The following STK26 variants were observed in gnomAD, a reference collection of about 807,000 sequenced individuals.
STK26 encodes serine/threonine kinase 26, also known as serine/threonine-protein kinase 26.
STK26 carries 14 observed loss-of-function variants against 34.7 expected under a neutral mutation model. The ratio of observed to expected loss-of-function variants is 0.40; its 90% CI spans 0.27 to 0.63. The LOEUF (loss-of-function observed/expected upper bound fraction) is 0.63, where lower values mean the gene tolerates loss of function less well. STK26 is among the 30% of genes least tolerant of loss of function. STK26 has a pLI of 0.38. For missense variants in STK26, 226 were observed against 309.1 expected (o/e 0.73, Z 2.02); for synonymous variants, 100 against 109.8 (o/e 0.91, Z 0.56).
chrX:132,069,653 A>G lies in STK26; in HGVS notation c.773A>G (p.Asp258Gly). 2 of 1,120,504 alleles carry G rather than the reference A, an allele frequency of 1.8e-6. No individual in the cohort carries two copies. The highest frequency in any genetic ancestry group is 2.4e-6 in the Non-Finnish European group (2 of 848,923). 92.3% of individuals were successfully genotyped at this position (1,120,504 alleles called of 1,213,427 possible). ...KEFIDACLNK[D>G]PSFRPTAKEL... Reference sequence around the variant, plus strand: ...TTTATTGATGCTTGCCTGAACAAAGATCCATCATTTGTGAGTATATATTGC... The same window carrying G: ...TTTATTGATGCTTGCCTGAACAAAGGTCCATCATTTGTGAGTATATATTGC... Residue 258 changes from aspartate (D) to glycine (G), a missense_variant, in exon 7 of 12, where the codon GAT (aspartate) becomes GGT (glycine). Transcript: ENST00000394334.
intron 2 of STK26, among the ~76,000 whole-genome samples, chrX:132,048,523 G>C (rs944824188): frequency 8.9e-6 from 1 of 111,966 alleles, no homozygotes; most frequent in Non-Finnish European, 1.9e-5. Flanking sequence ...TTTGCCACTA[G>C]TTAACTACCT....
Position 132,072,797 on chromosome X carries a change from T to C in STK26, c.1027-16T>C. 1 of 1,197,035 alleles carries C rather than the reference T, an allele frequency of 8.4e-7. No individual in the cohort carries two copies. Among genetic ancestry groups the C allele is most frequent in the Non-Finnish European group, 1.1e-6 (1 of 882,563 alleles). On this transcript the variant is annotated splice_polypyrimidine_tract_variant and intron_variant, in intron 9 of 11. Coordinates refer to ENST00000394334, the MANE Select transcript of STK26 (RefSeq NM_016542.4). ...ATTTTAATTTCATGTGTATAATCTA[T>C]ATTATTTGTTCAAAGGAGCAAGATC...
At chrX:132,038,753 G>T (rs147925233) in intron 2 of STK26, among the ~76,000 whole-genome samples, 206 of 104,360 alleles carry the variant, frequency 2.0e-3, no homozygotes, top group African/African-American at 7.0e-3. Context: ...GTAGGTTCTG[G>T]CATTAAAGGT....
chrX:132,070,959 CATACCTTT>C, intron 7 of STK26, 102 bp from the exon 8 acceptor site: 1 of 824,671 alleles, frequency 1.2e-6, no homozygotes, highest in Middle Eastern at 4.7e-4. Flanking sequence ...TGTCTACAGA[CATACCTTT>C]ATACCTTTCA....
intron 3 of STK26, among the ~76,000 whole-genome samples, chrX:132,057,425 G>T (rs1183327698): frequency 1.8e-5 from 2 of 111,319 alleles, no homozygotes; most frequent in Non-Finnish European, 3.8e-5. Flanking sequence ...CAGGTATGCT[G>T]ATCTCCTCAG....
chrX:132,033,902 G>A (rs1396444416), intron 2 of STK26, among the ~76,000 whole-genome samples: 1 of 110,102 alleles, frequency 9.1e-6, no homozygotes, highest in Non-Finnish European at 1.9e-5. Flanking sequence ...ATCTGATGTA[G>A]AAGCATCCAT....
chrX:132,065,644 T>A (rs1208527317), intron 4 of STK26, among the ~76,000 whole-genome samples: 1 of 112,353 alleles, frequency 8.9e-6, no homozygotes, highest in Non-Finnish European at 1.9e-5. Context: ...ACAGTTTCAA[T>A]GAATGAAAAA....
Position 132,073,107 on chromosome X carries a change from G to T in STK26, c.1226+14G>T, listed in dbSNP as rs773176307. The T allele has an allele frequency of 8.5e-7, 1 of 1,173,492 alleles. No homozygotes were observed. Among genetic ancestry groups the T allele is most frequent in the Non-Finnish European group, 1.1e-6 (1 of 874,951 alleles). ...AAAATTTCAAAAGTAAGTTGGAAATGTCATTTTAAAAATTATTTTGCATTT... is the reference window on the plus strand; with the variant it reads ...AAAATTTCAAAAGTAAGTTGGAAATTTCATTTTAAAAATTATTTTGCATTT... On this transcript the variant is annotated intron_variant, in intron 11 of 11. Transcript: ENST00000394334.
At chrX:132,042,532 T>C (rs1926304674) in intron 2 of STK26, among the ~76,000 whole-genome samples, 1 of 111,363 alleles carries the variant, frequency 9.0e-6, no homozygotes, top group South Asian at 3.7e-4. Context: ...ACACACATAC[T>C]TACCATTTTA....
rs1927439020 is a variant in STK26 at position 132,072,252 on chromosome X, T to C, written c.933-16T>C. On this transcript the variant is annotated splice_polypyrimidine_tract_variant and intron_variant, in intron 8 of 11. Coordinates refer to ENST00000394334, the MANE Select transcript of STK26 (RefSeq NM_016542.4). Reference sequence around the variant, plus strand: ...CATTTGGGCACTTATAGAGGTATCTTTGGCAATCTCTTTAGGGAATCTACC... The same window carrying C: ...CATTTGGGCACTTATAGAGGTATCTCTGGCAATCTCTTTAGGGAATCTACC... 8.5e-7 allele frequency: 1 copy of C among 1,176,456 alleles called. No individual in the cohort carries two copies. The highest frequency in any genetic ancestry group is 1.8e-5 in the South Asian group (1 of 55,843).
intron 2 of STK26, among the ~76,000 whole-genome samples, chrX:132,041,113 A>G (rs1225170860): frequency 8.9e-6 from 1 of 111,769 alleles, no homozygotes; most frequent in Admixed American, 9.5e-5. Context: ...CTGCGTGTAC[A>G]GATGATGCAG....
chrX:132,059,890 T>TCA (rs1926990312), intron 3 of STK26, among the ~76,000 whole-genome samples: 2 of 112,136 alleles, frequency 1.8e-5, no homozygotes, highest in Non-Finnish European at 3.8e-5. Flanking sequence ...TACAGCCAGT[T>TCA]TATGTATGCT....
chrX:132,071,754 T>C (rs1250298705), intron 8 of STK26, among the ~76,000 whole-genome samples: 2 of 112,361 alleles, frequency 1.8e-5, no homozygotes, highest in African/African-American at 3.2e-5. Flanking sequence ...TAATTTAGAC[T>C]AGGAAAGTCT....
At chrX:132,056,637 C>T (rs937411677) in intron 3 of STK26, among the ~76,000 whole-genome samples, 1 of 111,519 alleles carries the variant, frequency 9.0e-6, no homozygotes, top group Admixed American at 9.5e-5. Flanking sequence ...GAGTGATGCC[C>T]ATGGAGTGGC....
At chrX:132,025,347 A>T (rs1247422114) in intron 2 of STK26, among the ~76,000 whole-genome samples, 1 of 111,162 alleles carries the variant, frequency 9.0e-6, no homozygotes, top group Non-Finnish European at 1.9e-5. Context: ...ATTCTGGGGA[A>T]CTCTGTGTGC....
chrX:132,071,054 T>C lies in STK26; in HGVS notation c.784-15T>C, dbSNP rs112272201. On this transcript the variant is annotated splice_polypyrimidine_tract_variant and intron_variant, in intron 7 of 11. Transcript: ENST00000394334. ...CAACAATTGTCATATGCAGCCTTGATCTTTTTATCCTTAGCGTCCTACAGC... is the reference window on the plus strand; with the variant it reads ...CAACAATTGTCATATGCAGCCTTGACCTTTTTATCCTTAGCGTCCTACAGC... The C allele has an allele frequency of 8.4e-7, 1 of 1,196,177 alleles. No homozygotes were observed. Among genetic ancestry groups the C allele is most frequent in the South Asian group, 1.8e-5 (1 of 55,099 alleles).
intron 3 of STK26, among the ~76,000 whole-genome samples, chrX:132,055,279 C>T (rs188934661): frequency 1.1e-3 from 128 of 112,499 alleles, no homozygotes; most frequent in African/African-American, 3.9e-3. Context: ...CTCTCCCCCA[C>T]CAGGTTGTGA....
chrX:132,059,786 GA>G lies in STK26; in HGVS notation c.274-3637del, dbSNP rs774239212. ...CCCACCCACCATCACCAGTATTTAT[GA>G]AAAAAAAAAGAATTGAATGAAGTAA... On this transcript the variant is annotated intron_variant, in intron 3 of 11. Transcript: ENST00000394334. Among the ~76,000 whole-genome samples the G allele has an allele frequency of 3.5e-3, 373 of 105,739 alleles. 1 individual carries two copies. Among genetic ancestry groups the G allele is most frequent in the Non-Finnish European group, 5.6e-3 (283 of 50,974 alleles). The allele number at this position is 105,739 out of a possible 115,157, so 91.8% of individuals were successfully genotyped here.
chrX:132,028,423 G>C (rs1445866922), intron 2 of STK26, among the ~76,000 whole-genome samples: 2 of 111,560 alleles, frequency 1.8e-5, no homozygotes, highest in Non-Finnish European at 3.8e-5. Context: ...TTCTGTTCTA[G>C]ACTTGTGAAT....
Sources: allele counts gnomAD v4.1 joint callset (sites outside exome capture counted in the v4.1 genomes callset), GRCh38; gene constraint gnomAD v4.1.1; transcripts MANE v1.5; gene names NCBI Gene and HGNC (gene_info 2026-07-23, HGNC 2026-07-21).